SLC22A9: variants seen among roughly 807,000 people sequenced by gnomAD.
SLC22A9 encodes the protein solute carrier family 22 member 9.
A neutral mutation model predicts 50.1 loss-of-function variants in SLC22A9; 64 were observed. The observed-to-expected ratio is 1.28, with a 90% CI of 1.04 to 1.57. The LOEUF (loss-of-function observed/expected upper bound fraction) is 1.57, where lower values mean the gene tolerates loss of function less well. Among genes scored for constraint, SLC22A9 ranks in the 40% most tolerant of loss-of-function variants. SLC22A9 has a pLI of 0.00. For synonymous variants in SLC22A9, 261 were observed against 242.5 expected, an observed-to-expected ratio of 1.08 and a Z score of -0.71; for missense variants, 757 against 676.1, an observed-to-expected ratio of 1.12 and a Z score of -1.33.
intron 5 of SLC22A9, among the ~76,000 whole-genome samples, chr11:63,379,139 C>T (rs2014517640): frequency 6.6e-6 from 1 of 152,084 alleles, no homozygotes; most frequent in Admixed American, 6.6e-5. Flanking sequence ...AACACAGTAA[C>T]CAAAACAGCA....
At chr11:63,373,396 G>A (rs940674298) in intron 2 of SLC22A9, among the ~76,000 whole-genome samples, 1 of 152,090 alleles carries the variant, frequency 6.6e-6, no homozygotes, top group Non-Finnish European at 1.5e-5. Flanking sequence ...CCTGTCTTAT[G>A]TGGTTTCAAT....
chr11:63,373,763 C>A lies in SLC22A9; in HGVS notation c.626C>A (p.Ala209Asp). 1 of 1,612,854 alleles carries A rather than the reference C, an allele frequency of 6.2e-7. No homozygotes were observed. Residue 209 changes from alanine to aspartate, a missense_variant, in exon 3 of 10, where the codon GCT (alanine) becomes GAT (aspartate). Physicochemically the swap from Ala to Asp is moderately radical, Grantham distance 126. Coordinates refer to ENST00000279178, the MANE Select transcript of SLC22A9 (RefSeq NM_080866.3). Reference sequence around the variant, plus strand: ...TCACTACGCTTCTTGTCTGGGATTGCTGCAATGAGCCTCATAACAAATACT... The same window carrying A: ...TCACTACGCTTCTTGTCTGGGATTGATGCAATGAGCCTCATAACAAATACT... ...YCSLRFLSGI[A>D]AMSLITNTIM...
chr11:63,410,045 C>T lies in SLC22A9; in HGVS notation c.*183C>T. 5.7e-6 allele frequency: 3 copies of T among 528,724 alleles called. No individual in the cohort carries two copies. Among genetic ancestry groups the T allele is most frequent in the Non-Finnish European group, 1.0e-5 (3 of 301,296 alleles). The allele number at this position is 528,724 out of a possible 1,614,324, so 32.8% of individuals were successfully genotyped here. ...CATGAGGTCAGAAGATAAAGACCACCCTGGCCAACATGGTGAAACCCTGTC... is the reference window on the plus strand; with the variant it reads ...CATGAGGTCAGAAGATAAAGACCACTCTGGCCAACATGGTGAAACCCTGTC... On this transcript the variant is annotated 3_prime_UTR_variant, in exon 10 of 10. Coordinates refer to ENST00000279178, the MANE Select transcript of SLC22A9 (RefSeq NM_080866.3).
intron 6 of SLC22A9, among the ~76,000 whole-genome samples, chr11:63,398,469 G>A (rs925444072): frequency 6.6e-6 from 1 of 152,176 alleles, no homozygotes; most frequent in African/African-American, 2.4e-5. Flanking sequence ...TTTAGTCCAT[G>A]ATGGTGAGGC....
In SLC22A9 at chr11:63,370,383, T is replaced by G. The variant is rs755158297; in HGVS notation, c.327T>G (p.Ser109Arg). The G allele has an allele frequency of 3.0e-5, 48 of 1,613,716 alleles. No homozygotes were observed. The highest frequency in any genetic ancestry group is 2.0e-5 in the Non-Finnish European group (24 of 1,179,806). ...LHLNGTFPNT[S>R]DADMEPCVDG... ...TGAATGGGACCTTCCCCAACACAAG[T>G]GACGCAGACATGGAGCCCTGTGTGG... is the stretch of plus-strand genomic sequence containing the variant. Residue 109 changes from serine to arginine, a missense_variant, in exon 1 of 10, where the codon AGT (serine) becomes AGG (arginine). By Grantham distance (110) the Ser-to-Arg change is moderately radical. Coordinates refer to ENST00000279178, the MANE Select transcript of SLC22A9 (RefSeq NM_080866.3).
intron 6 of SLC22A9, among the ~76,000 whole-genome samples, chr11:63,385,633 A>G (rs1326045311): frequency 1.3e-5 from 2 of 152,048 alleles, no homozygotes; most frequent in Non-Finnish European, 2.9e-5. Flanking sequence ...TGATTTCTGC[A>G]TATTGATTTT....
chr11:63,377,841 A>G (rs1317396758), intron 5 of SLC22A9, among the ~76,000 whole-genome samples: 1 of 152,124 alleles, frequency 6.6e-6, no homozygotes, highest in Non-Finnish European at 1.5e-5. Context: ...ATTCAAATAA[A>G]TGCAATTAGA....
Position 63,370,341 on chromosome 11 carries a change from G to A in SLC22A9, c.285G>A (p.Gln95=). 1 of 1,613,998 alleles carries A rather than the reference G, an allele frequency of 6.2e-7. No individual in the cohort carries two copies. ...AGTGTCGTCGCTTTGTTCATCCTCA[G>A]TGGCAGCTCCTTCACCTGAATGGGA... The part of the protein sequence containing the change: ...PEKCRRFVHP[Q]WQLLHLNGTF... Residue 95 remains glutamine, a synonymous_variant, in exon 1 of 10, where the codon CAG becomes CAA. Coordinates refer to ENST00000279178, the MANE Select transcript of SLC22A9 (RefSeq NM_080866.3).
intron 6 of SLC22A9, among the ~76,000 whole-genome samples, chr11:63,400,608 G>A (rs1353906772): frequency 1.3e-5 from 2 of 151,958 alleles, no homozygotes; most frequent in East Asian, 3.9e-4. Flanking sequence ...CATACCTATT[G>A]TACACAAACT....
chr11:63,375,407 G>A (rs2014442476), intron 4 of SLC22A9, among the ~76,000 whole-genome samples: 1 of 152,154 alleles, frequency 6.6e-6, no homozygotes, highest in Non-Finnish European at 1.5e-5. Flanking sequence ...AATTTGCCAA[G>A]TAAGAGAGGA....
intron 1 of SLC22A9, 131 bp from the exon 2 acceptor site, chr11:63,371,004 T>G (rs1028769772): frequency 1.5e-5 from 9 of 617,448 alleles, no homozygotes; most frequent in South Asian, 2.2e-5. Flanking sequence ...GGTCAGGTAA[T>G]GCTGAGAAAG....
rs550356629 is a variant in SLC22A9 at position 63,398,509 on chromosome 11, A to T, written c.1074-7988A>T. 3.9e-5 allele frequency among the ~76,000 whole-genome samples: 6 copies of T among 152,284 alleles called. No individual in the cohort carries two copies. The East Asian group carries it at 1.2e-3, about 29-fold the overall frequency. ...CAGAACCCAGATTCTGACCACTGGG[A>T]TGGGCGATTCCCCTCTGGCTAGGGC... On this transcript the variant is annotated intron_variant, in intron 6 of 9. Transcript: ENST00000279178.
rs147139943 is a variant in SLC22A9 at position 63,400,699 on chromosome 11, C to T, written c.1074-5798C>T. Reference sequence around the variant, plus strand: ...ATTACCCTGATGCCAAAACCAGAAACGAACACACACAAAAAAGAAAACATC... The same window carrying T: ...ATTACCCTGATGCCAAAACCAGAAATGAACACACACAAAAAAGAAAACATC... On this transcript the variant is annotated intron_variant, in intron 6 of 9. Coordinates refer to ENST00000279178, the MANE Select transcript of SLC22A9 (RefSeq NM_080866.3). Among the ~76,000 whole-genome samples, 508 of 151,994 alleles carry T rather than the reference C, an allele frequency of 3.3e-3. 3 individuals are homozygous for T. Among genetic ancestry groups the T allele is most frequent in the Middle Eastern group, 0.014 (4 of 294 alleles).
intron 6 of SLC22A9, among the ~76,000 whole-genome samples, chr11:63,399,201 C>T (rs2014912046): frequency 1.3e-5 from 2 of 152,172 alleles, no homozygotes; most frequent in East Asian, 1.9e-4. Context: ...AAATTCTTAC[C>T]TATTAATTGC....
intron 6 of SLC22A9, among the ~76,000 whole-genome samples, chr11:63,396,968 T>C (rs1215064248): frequency 6.6e-6 from 1 of 152,152 alleles, no homozygotes; most frequent in African/African-American, 2.4e-5. Flanking sequence ...AGGTATTTAT[T>C]GTAGTCTTCA....
chr11:63,406,154 TG>T (rs2120020654), intron 6 of SLC22A9, among the ~76,000 whole-genome samples: 1 of 152,274 alleles, frequency 6.6e-6, no homozygotes, highest in South Asian at 2.1e-4. Flanking sequence ...ATTATACTTT[TG>T]TCTCATTTTT....
intron 6 of SLC22A9, among the ~76,000 whole-genome samples, chr11:63,390,412 G>A (rs1216961765): frequency 6.6e-6 from 1 of 152,098 alleles, no homozygotes; most frequent in Non-Finnish European, 1.5e-5. Context: ...AGTTTTTCCA[G>A]CACCATTTAT....
At position 63,370,168 on chromosome 11, in the gene SLC22A9, G is replaced by C. The variant is rs1222213312; in HGVS notation, c.112G>C (p.Glu38Gln). Residue 38 changes from glutamate (E) to glutamine (Q), a missense_variant, in exon 1 of 10, where the codon GAG (glutamate) becomes CAG (glutamine). Glu to Gln is a conservative substitution (Grantham distance 29). Transcript: ENST00000279178. ...AVATYLHFML[E>Q]NFTAFIPGHR... ...TGCTACATACCTTCATTTTATGCTG[G>C]AGAACTTCACTGCATTCATACCTGG... 6.2e-7 allele frequency: 1 copy of C among 1,613,996 alleles called. No homozygotes were observed. Among genetic ancestry groups the C allele is most frequent in the Admixed American group, 1.7e-5 (1 of 59,994 alleles).
intron 4 of SLC22A9, 135 bp downstream of exon 4, chr11:63,374,197 C>A: frequency 1.3e-6 from 1 of 767,614 alleles, no homozygotes; most frequent in Non-Finnish European, 1.9e-6. Context: ...GCTTGATGTG[C>A]AATACAAGAA....
Sources: gnomAD v4.1 joint callset for allele counts (sites outside exome capture counted in the v4.1 genomes callset) on GRCh38, gnomAD v4.1.1 for gene constraint, MANE v1.5 for transcripts, NCBI Gene and HGNC (gene_info 2026-07-23, HGNC 2026-07-21) for gene names.